The following MARCHF10 variants were observed in gnomAD, a reference collection of about 807,000 sequenced individuals.
MARCHF10 encodes probable E3 ubiquitin-protein ligase MARCHF10.
MARCHF10 carries 64 observed loss-of-function variants against 76.2 expected under a neutral mutation model. The observed-to-expected ratio is 0.84, with a 90% CI of 0.69 to 1.03. The LOEUF (loss-of-function observed/expected upper bound fraction) is 1.03, where lower values mean the gene tolerates loss of function less well. MARCHF10 is among the 50% of genes least tolerant of loss of function. MARCHF10 has a pLI of 0.00. For missense variants in MARCHF10, 875 were observed against 958.0 expected, an observed-to-expected ratio of 0.91 and a Z score of 1.14; for synonymous variants, 340 against 357.5, an observed-to-expected ratio of 0.95 and a Z score of 0.55.
chr17:62,782,183 G>C (rs1050504602), intron 3 of MARCHF10, among the ~76,000 whole-genome samples: 1 of 151,920 alleles, frequency 6.6e-6, no homozygotes, highest in Non-Finnish European at 1.5e-5. Context: ...GTCTGACCTT[G>C]GTTCTCTTTT....
chr17:62,795,808 C>T (rs1455235489), intron 2 of MARCHF10, among the ~76,000 whole-genome samples: 1 of 152,070 alleles, frequency 6.6e-6, no homozygotes, highest in Non-Finnish European at 1.5e-5. Context: ...TGTTTGTATG[C>T]CCTGAAATGG....
At chr17:62,772,753 A>G (rs2092471690) in intron 3 of MARCHF10, among the ~76,000 whole-genome samples, 1 of 152,114 alleles carries the variant, frequency 6.6e-6, no homozygotes, top group Admixed American at 6.5e-5. Flanking sequence ...ATCTCAGCAT[A>G]TTTTTCATCT....
At chr17:62,788,405 TCA>T (rs113898666) in intron 3 of MARCHF10, 73 bp downstream of exon 3, 17,729 of 1,413,916 alleles carry the variant, frequency 0.013, no homozygotes, top group South Asian at 0.014. Context: ...TTTTCCTACA[TCA>T]CACACACACA....
intron 5 of MARCHF10, among the ~76,000 whole-genome samples, chr17:62,739,154 C>G (rs2091409100): frequency 6.6e-6 from 1 of 151,972 alleles, no homozygotes; most frequent in Non-Finnish European, 1.5e-5. Context: ...CAAAAATTAG[C>G]CGGGTGCTGT....
chr17:62,725,226 CTGACCCTAG>C (rs1004127965), intron 6 of MARCHF10, 122 bp from the exon 7 acceptor site: 3 of 800,976 alleles, frequency 3.7e-6, no homozygotes, highest in Admixed American at 7.5e-5. Context: ...GCTGCCCCCT[CTGACCCTAG>C]TGAGATGATT....
chr17:62,808,076 C>T lies in MARCHF10; in HGVS notation c.-18+1G>A, dbSNP rs2093189355. On this transcript the variant is annotated splice_donor_variant, in intron 1 of 10. Transcript: ENST00000311269. LOFTEE classifies it low-confidence loss of function (5UTR_SPLICE). Reference sequence around the variant, plus strand: ...AGCGGCGGGGGCGAGGGGGCCGTTACCTGTGGGTCTGCCCTTCCTCCCCTG... The same window carrying T: ...AGCGGCGGGGGCGAGGGGGCCGTTATCTGTGGGTCTGCCCTTCCTCCCCTG... 1 of 139,820 alleles carries T rather than the reference C, an allele frequency of 7.2e-6. No individual in the cohort carries two copies. Among genetic ancestry groups the T allele is most frequent in the Admixed American group, 7.1e-5 (1 of 14,136 alleles). 8.7% of individuals were successfully genotyped at this position (139,820 alleles called of 1,614,324 possible). A position where few individuals can be genotyped will look rare whatever the true frequency, so the allele number is the denominator to read the frequency against.
At chr17:62,718,110 G>A (rs1312129790) in intron 8 of MARCHF10, among the ~76,000 whole-genome samples, 1 of 152,186 alleles carries the variant, frequency 6.6e-6, no homozygotes, top group African/African-American at 2.4e-5. Flanking sequence ...CTCTGTCTAT[G>A]AGGTGATGTA....
Position 62,736,067 on chromosome 17 carries a change from A to G in MARCHF10, c.1801T>C (p.Phe601Leu), listed in dbSNP as rs746370928. ...VSGSLQENTPFTFFAVSHFPN... is the reference protein window; with the variant it reads ...VSGSLQENTPLTFFAVSHFPN... ...AAATGAGACACTGCAAAGAAAGTAA[A>G]TGGTGTATTTTCTTGCAGAGACCCA... is the stretch of plus-strand genomic sequence containing the variant. The change falls in exon 6 of 11, where the codon TTT (phenylalanine) becomes CTT (leucine). Residue 601 changes from phenylalanine to leucine, a missense_variant. Phe to Leu is a conservative substitution (Grantham distance 22). Coordinates refer to ENST00000311269, the MANE Select transcript of MARCHF10 (RefSeq NM_152598.4). The G allele has an allele frequency of 9.0e-5, 145 of 1,614,068 alleles. No homozygotes were observed. Among genetic ancestry groups the G allele is most frequent in the Non-Finnish European group, 1.2e-4 (138 of 1,180,034 alleles).
At chr17:62,761,928 T>G (rs1002162263) in intron 3 of MARCHF10, among the ~76,000 whole-genome samples, 14 of 152,164 alleles carry the variant, frequency 9.2e-5, no homozygotes, top group African/African-American at 3.1e-4. Context: ...CTCACTGCAG[T>G]GGGTTAAGTC....
chr17:62,726,980 G>A (rs948780131), intron 6 of MARCHF10, among the ~76,000 whole-genome samples: 1 of 152,162 alleles, frequency 6.6e-6, no homozygotes, highest in African/African-American at 2.4e-5. Flanking sequence ...TTGGAAACAA[G>A]TGCTCTAAAT....
chr17:62,774,928 C>T (rs982652087), intron 3 of MARCHF10, among the ~76,000 whole-genome samples: 1 of 151,812 alleles, frequency 6.6e-6, no homozygotes, highest in Non-Finnish European at 1.5e-5. Context: ...GTAGCTTGTG[C>T]CTGTAATCCC....
chr17:62,752,561 A>G (rs2091927995), intron 4 of MARCHF10, among the ~76,000 whole-genome samples: 1 of 150,720 alleles, frequency 6.6e-6, no homozygotes, highest in Admixed American at 6.6e-5. Flanking sequence ...TTATCCCTAC[A>G]TCCAAGTCAC....
chr17:62,737,011 C>G lies in MARCHF10; in HGVS notation c.857G>C (p.Arg286Thr). The G allele has an allele frequency of 6.2e-7, 1 of 1,614,182 alleles. No individual in the cohort carries two copies. Among genetic ancestry groups the G allele is most frequent in the Non-Finnish European group, 8.5e-7 (1 of 1,180,040 alleles). Residue 286 changes from arginine (R) to threonine (T), a missense_variant, in exon 6 of 11, where the codon AGA (arginine) becomes ACA (threonine). Physicochemically the swap from Arg to Thr is moderately conservative, Grantham distance 71. Coordinates refer to ENST00000311269, the MANE Select transcript of MARCHF10 (RefSeq NM_152598.4). ...TTCCTCTTCAGTGTCATCGCTTTCT[C>G]TTCTGCTGTTCAATGACAAAATGGA... ...FYSILSLNSRRESDDTEEETQ... is the reference protein window; with the variant it reads ...FYSILSLNSRTESDDTEEETQ...
chr17:62,781,278 T>A (rs974683473), intron 3 of MARCHF10, among the ~76,000 whole-genome samples: 3 of 152,220 alleles, frequency 2.0e-5, no homozygotes, highest in Admixed American at 1.3e-4. Context: ...TGTTGGAGCA[T>A]CACTTGCAAG....
chr17:62,790,316 C>T (rs1302232815), intron 2 of MARCHF10, among the ~76,000 whole-genome samples: 1 of 152,142 alleles, frequency 6.6e-6, no homozygotes, highest in African/African-American at 2.4e-5. Flanking sequence ...GCTGGGGTTA[C>T]AGGAGTGTGC....
intron 2 of MARCHF10, among the ~76,000 whole-genome samples, chr17:62,800,439 C>T (rs1598083333): frequency 6.6e-6 from 1 of 152,214 alleles, no homozygotes; most frequent in Non-Finnish European, 1.5e-5. Flanking sequence ...GCAGAAATGC[C>T]CTCGATTTTC....
chr17:62,705,456 T>C, intron 10 of MARCHF10, 83 bp downstream of exon 10: 4 of 1,613,006 alleles, frequency 2.5e-6, no homozygotes, highest in Non-Finnish European at 2.5e-6. Flanking sequence ...CTTCCTTCCA[T>C]GGCATTTGGT....
At chr17:62,732,652 T>G (rs116253470) in intron 6 of MARCHF10, among the ~76,000 whole-genome samples, 2,280 of 151,956 alleles carry the variant, frequency 0.015, 73 homozygotes, top group African/African-American at 0.052. Context: ...CGATATCAGG[T>G]TAAGAGAAGG....
At chr17:62,791,740 A>C (rs1209615688) in intron 2 of MARCHF10, among the ~76,000 whole-genome samples, 2 of 152,218 alleles carry the variant, frequency 1.3e-5, no homozygotes, top group Non-Finnish European at 2.9e-5. Context: ...TAGAAGCAGC[A>C]AGAACCTTTG....
Sources: allele counts gnomAD v4.1 joint callset (sites outside exome capture counted in the v4.1 genomes callset), GRCh38; gene constraint gnomAD v4.1.1; transcripts MANE v1.5; gene names NCBI Gene and HGNC (gene_info 2026-07-23, HGNC 2026-07-21).